The following DIP2C variants were observed in gnomAD, a reference collection of about 807,000 sequenced individuals.
The protein encoded by DIP2C is DIP2 acetate--CoA ligase C (putative), also known as disco-interacting protein 2 homolog C.
Under a neutral mutation model 192.4 loss-of-function variants are expected in DIP2C, and 33 were observed. The observed-to-expected ratio is 0.17, with a 90% confidence interval of 0.13 to 0.23. The LOEUF (loss-of-function observed/expected upper bound fraction) is 0.23, where lower values mean the gene tolerates loss of function less well. Among genes scored for constraint, DIP2C ranks in the 10% least tolerant of loss-of-function variants. DIP2C has a pLI of 1.00. For missense variants in DIP2C, 1,537 were observed against 2,110.1 expected (o/e 0.73, Z 5.32); for synonymous variants, 979 against 864.1 (o/e 1.13, Z -2.33).
chr10:487,731 C>G (rs1289066737), intron 1 of DIP2C, among the ~76,000 whole-genome samples: 1 of 151,960 alleles, frequency 6.6e-6, no homozygotes, highest in African/African-American at 2.4e-5. Context: ...GCGCTGGCCA[C>G]CACGCCCGGC....
In DIP2C at chr10:619,497, G is replaced by A. The variant is rs370712677; in HGVS notation, c.85+69997C>T. On this transcript the variant is annotated intron_variant, in intron 1 of 36. Coordinates refer to ENST00000280886, the MANE Select transcript of DIP2C (RefSeq NM_014974.3). Reference sequence around the variant, plus strand: ...TCAACAGGAAGACGCAGAATATCGGGAGCACAGGCTTTATGCCAGGGCCAG... The same window carrying A: ...TCAACAGGAAGACGCAGAATATCGGAAGCACAGGCTTTATGCCAGGGCCAG... Among the ~76,000 whole-genome samples, 879 of 142,824 alleles carry A rather than the reference G, an allele frequency of 6.2e-3. 11 individuals carry two copies. Among genetic ancestry groups the A allele is most frequent in the African/African-American group, 0.022 (830 of 37,432 alleles). The allele number at this position is 142,824 out of a possible 152,430, so 93.7% of individuals were successfully genotyped here.
chr10:589,883 T>A (rs1157500373), intron 1 of DIP2C, among the ~76,000 whole-genome samples: 2 of 152,228 alleles, frequency 1.3e-5, no homozygotes, highest in African/African-American at 4.8e-5. Flanking sequence ...GAGACCAATG[T>A]AGCCATTAAA....
chr10:548,633 GGGA>G (rs1848429361), intron 1 of DIP2C, among the ~76,000 whole-genome samples: 3 of 150,960 alleles, frequency 2.0e-5, no homozygotes, highest in South Asian at 4.2e-4. Context: ...GTGTGGTGGG[GGGA>G]GGAGATGTGG....
intron 1 of DIP2C, among the ~76,000 whole-genome samples, chr10:580,369 CATGTATATATAT>C (rs1360473393): frequency 6.6e-6 from 1 of 152,114 alleles, no homozygotes; most frequent in Non-Finnish European, 1.5e-5. Flanking sequence ...AGTGTGCACA[CATGTATATATAT>C]AAGTACACAA....
At chr10:584,785 G>A (rs1243807051) in intron 1 of DIP2C, among the ~76,000 whole-genome samples, 2 of 108,554 alleles carry the variant, frequency 1.8e-5, no homozygotes, top group Non-Finnish European at 3.5e-5. Flanking sequence ...CCACTCACGC[G>A]TATCACCTCT....
intron 32 of DIP2C, among the ~76,000 whole-genome samples, chr10:291,012 C>A (rs1208714999): frequency 6.6e-6 from 1 of 152,238 alleles, no homozygotes; most frequent in Non-Finnish European, 1.5e-5. Flanking sequence ...CCCCAGGGCT[C>A]TGCCAGGCAG....
At chr10:537,295 C>T (rs1432945962) in intron 1 of DIP2C, among the ~76,000 whole-genome samples, 1 of 152,202 alleles carries the variant, frequency 6.6e-6, no homozygotes. Flanking sequence ...GGACCAGAAT[C>T]TCTGTGATTT....
rs180801233 is a variant in DIP2C at position 345,445 on chromosome 10, C to T, written c.3232-335G>A. 1.5e-3 allele frequency among the ~76,000 whole-genome samples: 231 copies of T among 151,802 alleles called. 1 individual carries two copies. Among genetic ancestry groups the T allele is most frequent in the Non-Finnish European group, 2.2e-3 (150 of 67,922 alleles). On this transcript the variant is annotated intron_variant, in intron 26 of 36. Transcript: ENST00000280886. ...CACACACACACACCCAGACACATCG[C>T]GCACAGTTCTCCCGGAAACGTCACA...
intron 1 of DIP2C, among the ~76,000 whole-genome samples, chr10:605,865 G>A (rs1281958561): frequency 6.6e-6 from 1 of 152,184 alleles, no homozygotes; most frequent in Admixed American, 6.5e-5. Context: ...AAAGAAAACC[G>A]GGCAGAGACT....
chr10:333,802 C>T (rs150574602), intron 29 of DIP2C, among the ~76,000 whole-genome samples: 1 of 152,310 alleles, frequency 6.6e-6, no homozygotes. Context: ...TCAGAAAACA[C>T]GAGCTCTCCA....
Position 689,554 on chromosome 10 carries a change from T to C in DIP2C, c.25A>G (p.Met9Val). ...GCCCGCACCTCCAGGGGCAGCGCCATGCCCTCCAGGCTGCGGTCCGCCATG... is the reference window on the plus strand; with the variant it reads ...GCCCGCACCTCCAGGGGCAGCGCCACGCCCTCCAGGCTGCGGTCCGCCATG... The part of the protein sequence containing the change: MADRSLEG[M>V]ALPLEVRARL... The change falls in exon 1 of 37, where the codon ATG becomes GTG. Residue 9 changes from methionine (M) to valine (V), a missense_variant. Physicochemically the swap from Met to Val is conservative, Grantham distance 21. Around this residue, in one of 4 missense-constraint regions of DIP2C, gnomAD observed 473 missense variants for 539.6 expected, o/e 0.88. Transcript: ENST00000280886. This position sits in a 1 kb window ranked among gnomAD's most constrained non-coding sequence, Gnocchi z 6.1. 1 of 1,274,512 alleles carries C rather than the reference T, an allele frequency of 7.8e-7. No homozygotes were observed. Among genetic ancestry groups the C allele is most frequent in the Non-Finnish European group, 1.0e-6 (1 of 993,650 alleles). The allele number at this position is 1,274,512 out of a possible 1,614,324, so 79.0% of individuals were successfully genotyped here.
At chr10:622,297 A>G (rs1430171007) in intron 1 of DIP2C, among the ~76,000 whole-genome samples, 1 of 60,370 alleles carries the variant, frequency 1.7e-5, no homozygotes, top group Non-Finnish European at 3.2e-5. Flanking sequence ...GGAGGGAGGG[A>G]GGAGGGGGGA....
At chr10:311,678 G>A (rs932444234) in intron 31 of DIP2C, 2 of 856,934 alleles carry the variant, frequency 2.3e-6, no homozygotes, top group Non-Finnish European at 1.5e-6. Context: ...AAATGGGATG[G>A]AGAAGAGGGA....
intron 4 of DIP2C, among the ~76,000 whole-genome samples, chr10:427,881 CA>C (rs1966695703): frequency 6.6e-6 from 1 of 152,142 alleles, no homozygotes; most frequent in Admixed American, 6.5e-5. Context: ...CCTAAACTTA[CA>C]ATAAGAGTCA....
At chr10:643,601 A>G (rs1312174508) in intron 1 of DIP2C, among the ~76,000 whole-genome samples, 1 of 152,180 alleles carries the variant, frequency 6.6e-6, no homozygotes, top group Non-Finnish European at 1.5e-5. Context: ...GCCACCCAGG[A>G]GCATGCCAAG....
rs374728475 is a variant in DIP2C at position 419,061 on chromosome 10, G to A, written c.739+4C>T. 106 of 1,614,122 alleles carry A rather than the reference G, an allele frequency of 6.6e-5. No homozygotes were observed. Among genetic ancestry groups the A allele is most frequent in the East Asian group, 4.9e-4 (22 of 44,896 alleles). On this transcript the variant is annotated splice_donor_region_variant and intron_variant, in intron 6 of 36. Coordinates refer to ENST00000280886, the MANE Select transcript of DIP2C (RefSeq NM_014974.3). ...AAAAAACGCATCTCTCCTTTGGGAC[G>A]TACCATCCCCGGTCTCCATGAGCTC...
intron 1 of DIP2C, among the ~76,000 whole-genome samples, chr10:494,017 TA>T: frequency 6.6e-6 from 1 of 152,054 alleles, no homozygotes; most frequent in African/African-American, 2.4e-5. Context: ...ACAACTGGAA[TA>T]AACAAAATCC....
At chr10:367,415 AG>A (rs1476746510) in intron 18 of DIP2C, among the ~76,000 whole-genome samples, 5 of 148,642 alleles carry the variant, frequency 3.4e-5, no homozygotes, top group Non-Finnish European at 5.9e-5. Context: ...ACTCCGTCTC[AG>A]AAAAAAAAAA....
chr10:423,917 T>C (rs933695947), intron 4 of DIP2C, among the ~76,000 whole-genome samples: 6 of 152,238 alleles, frequency 3.9e-5, no homozygotes, highest in South Asian at 2.1e-4. Context: ...TTGTTTCTTA[T>C]ACATTCTCAT....
Sources: gnomAD v4.1 joint callset for allele counts (sites outside exome capture counted in the v4.1 genomes callset) on GRCh38, gnomAD v4.1.1 for gene constraint, gnomAD v4.1.1 regional missense constraint, Gnocchi (gnomAD v3.1) non-coding constraint, MANE v1.5 for transcripts, NCBI Gene and HGNC (gene_info 2026-07-23, HGNC 2026-07-21) for gene names.